Variants in SLCO1B3 observed in about 807,000 individuals in gnomAD.
The protein encoded by SLCO1B3 is solute carrier organic anion transporter family member 1B3.
In SLCO1B3, 72 loss-of-function variants were observed where a neutral mutation model predicts 71.8. That is an observed-to-expected ratio of 1.00 (90% CI 0.83 to 1.22). The LOEUF is 1.22. SLCO1B3 is among the 50% of genes most tolerant of loss of function. SLCO1B3 has a pLI of 0.00. For missense variants in SLCO1B3, 911 were observed against 819.7 expected (o/e 1.11, Z -1.36); for synonymous variants, 298 against 278.4 (o/e 1.07, Z -0.70).
chr12:20,850,138 G>T (rs1864995743), intron 3 of SLCO1B3, among the ~76,000 whole-genome samples: 1 of 147,710 alleles, frequency 6.8e-6, no homozygotes. Flanking sequence ...AAATAACAAA[G>T]TTGGAAAAAA....
chr12:20,843,678 G>T (rs1265110631), intron 3 of SLCO1B3, among the ~76,000 whole-genome samples: 1 of 151,958 alleles, frequency 6.6e-6, no homozygotes, highest in Admixed American at 6.5e-5. Context: ...CTACTCAGGA[G>T]GCTGAGGCAG....
At position 20,833,013 on chromosome 12, in the gene SLCO1B3, G is replaced by A. The variant is rs1378823000; in HGVS notation, c.84+17191G>A. Among the ~76,000 whole-genome samples the A allele has an allele frequency of 2.6e-5, 4 of 152,190 alleles. No individual in the cohort carries two copies. The East Asian group carries it at 7.7e-4, about 29-fold the overall frequency. ...AGTGTCAGTGAACTAAACTCAGGGG[G>A]TTGGCAAGACCATGTTTCTTTCTGA... On this transcript the variant is annotated intron_variant, in intron 3 of 15. Coordinates refer to ENST00000381545, the MANE Select transcript of SLCO1B3 (RefSeq NM_019844.4).
At chr12:20,885,760 G>A (rs903970072) in intron 13 of SLCO1B3, among the ~76,000 whole-genome samples, 6 of 151,864 alleles carry the variant, frequency 4.0e-5, no homozygotes, top group Non-Finnish European at 5.9e-5. Flanking sequence ...AGAGAGGTAC[G>A]AAGTACAATG....
At chr12:20,901,015 T>G (rs143294605) in intron 14 of SLCO1B3, among the ~76,000 whole-genome samples, 1 of 152,274 alleles carries the variant, frequency 6.6e-6, no homozygotes, top group Non-Finnish European at 1.5e-5. Context: ...CAACATAACT[T>G]TCATGTTTTA....
intron 3 of SLCO1B3, among the ~76,000 whole-genome samples, chr12:20,836,328 A>G (rs1037101520): frequency 6.6e-6 from 1 of 152,220 alleles, no homozygotes; most frequent in Non-Finnish European, 1.5e-5. Context: ...CCAGCCATGC[A>G]TACCTGGAAT....
At chr12:20,825,186 G>A (rs1864395375) in intron 3 of SLCO1B3, among the ~76,000 whole-genome samples, 1 of 152,034 alleles carries the variant, frequency 6.6e-6, no homozygotes, top group South Asian at 2.1e-4. Context: ...TAAGAACCTT[G>A]TTTATCTAAC....
intron 4 of SLCO1B3, among the ~76,000 whole-genome samples, chr12:20,858,047 C>T (rs1865176430): frequency 6.6e-6 from 1 of 151,944 alleles, no homozygotes; most frequent in Admixed American, 6.6e-5. Flanking sequence ...TGACTCTGAG[C>T]ACTGTGGTAG....
intron 1 of SLCO1B3, among the ~76,000 whole-genome samples, chr12:20,811,454 C>G (rs1392142423): frequency 1.3e-5 from 2 of 152,196 alleles, no homozygotes; most frequent in African/African-American, 4.8e-5. Flanking sequence ...TGCAGAAATT[C>G]TCTCCTCTGA....
intron 10 of SLCO1B3, among the ~76,000 whole-genome samples, chr12:20,878,236 A>T (rs145296344): frequency 6.6e-6 from 1 of 152,076 alleles, no homozygotes; most frequent in Admixed American, 6.6e-5. Context: ...GCATAATTGG[A>T]TCTTATAATA....
In SLCO1B3 at chr12:20,864,996, C is replaced by T. The variant is rs1178480335; in HGVS notation, c.727+2142C>T. On this transcript the variant is annotated intron_variant, in intron 8 of 15. Coordinates refer to ENST00000381545, the MANE Select transcript of SLCO1B3 (RefSeq NM_019844.4). ...ATACTTTTCATACAGAATTTTGGCA[C>T]CGGCATTAATAAGGCTTTCTGATTG... is the stretch of plus-strand genomic sequence containing the variant. 2.6e-5 allele frequency among the ~76,000 whole-genome samples: 4 copies of T among 152,040 alleles called. No individual in the cohort carries two copies. In the East Asian group the frequency reaches 7.7e-4, roughly 29 times the overall value.
intron 13 of SLCO1B3, among the ~76,000 whole-genome samples, chr12:20,896,150 T>C (rs1241669447): frequency 1.3e-5 from 2 of 152,204 alleles, no homozygotes; most frequent in Non-Finnish European, 2.9e-5. Context: ...GGGGCTACCA[T>C]GAAGACTTCT....
rs61673910 is a variant in SLCO1B3 at position 20,879,609 on chromosome 12, G to A, written c.1309G>A (p.Gly437Ser). The change falls in exon 11 of 16, where the codon GGC becomes AGC. Residue 437 changes from glycine (G) to serine (S), a missense_variant. By Grantham distance (56) the Gly-to-Ser change is moderately conservative. Transcript: ENST00000381545. ...PLICESKSVA[G>S]LTLTYDGNNS... The stretch of plus-strand genomic sequence containing the variant: ...AATCTGCGAAAGCAAATCAGTTGCC[G>A]GCCTAACCTTGACCTATGATGGGTT... The A allele has an allele frequency of 4.8e-4, 780 of 1,610,256 alleles. 3 individuals are homozygous for A. The highest frequency in any genetic ancestry group is 7.0e-4 in the Admixed American group (42 of 59,602).
chr12:20,908,326 A>G (rs1419431382), intron 15 of SLCO1B3, among the ~76,000 whole-genome samples: 2 of 152,178 alleles, frequency 1.3e-5, no homozygotes, highest in Non-Finnish European at 2.9e-5. Flanking sequence ...CCCATTATCA[A>G]CATCTCCCAT....
chr12:20,901,735 C>T (rs1474851263), intron 15 of SLCO1B3, among the ~76,000 whole-genome samples: 2 of 152,222 alleles, frequency 1.3e-5, no homozygotes, highest in African/African-American at 4.8e-5. Flanking sequence ...AATTGCACAA[C>T]TAAAAGAAAT....
intron 8 of SLCO1B3, among the ~76,000 whole-genome samples, chr12:20,871,310 TC>T (rs990744295): frequency 5.3e-5 from 8 of 152,198 alleles, no homozygotes; most frequent in African/African-American, 1.9e-4. Flanking sequence ...GAATTCCTTC[TC>T]TGTGTTATCT....
chr12:20,834,195 A>C (rs1008160443), intron 3 of SLCO1B3, among the ~76,000 whole-genome samples: 1 of 145,768 alleles, frequency 6.9e-6, no homozygotes, highest in African/African-American at 2.5e-5. Context: ...AACATATATA[A>C]ACTATATATG....
chr12:20,871,723 T>C (rs1217802625), intron 8 of SLCO1B3, among the ~76,000 whole-genome samples: 1 of 152,110 alleles, frequency 6.6e-6, no homozygotes, highest in Non-Finnish European at 1.5e-5. Flanking sequence ...CCAAAGCAAA[T>C]GTAGTCTTGC....
rs377682781 is a variant in SLCO1B3, at chr12:20,879,648, A to G, written c.1331+17A>G. ...CTATGATGGGTTTGTATATATTGCT[A>G]TATAAATTGTGTAATATGTTAACCA... is the stretch of plus-strand genomic sequence containing the variant. On this transcript the variant is annotated intron_variant, in intron 11 of 15. Transcript: ENST00000381545. 1.2e-5 allele frequency: 18 copies of G among 1,513,592 alleles called. No homozygotes were observed. The highest frequency in any genetic ancestry group is 4.9e-5 in the South Asian group (4 of 82,462). The allele number at this position is 1,513,592 out of a possible 1,614,324, so 93.8% of individuals were successfully genotyped here.
chr12:20,911,825 T>A (rs1358910953), intron 15 of SLCO1B3, among the ~76,000 whole-genome samples: 1 of 152,190 alleles, frequency 6.6e-6, no homozygotes, highest in Non-Finnish European at 1.5e-5. Context: ...TCCTCCTTTT[T>A]ATCTAAATTA....
Sources: allele counts gnomAD v4.1 joint callset (sites outside exome capture counted in the v4.1 genomes callset), GRCh38; gene constraint gnomAD v4.1.1; transcripts MANE v1.5; gene names NCBI Gene and HGNC (gene_info 2026-07-23, HGNC 2026-07-21).